GRID2: variants seen among roughly 807,000 people sequenced by gnomAD.
GRID2 encodes glutamate receptor ionotropic, delta-2.
GRID2 carries 33 observed loss-of-function variants against 114.8 expected under a neutral mutation model. The ratio of observed to expected loss-of-function variants is 0.29; its 90% CI spans 0.22 to 0.38. The LOEUF is 0.38. Among genes scored for constraint, GRID2 ranks in the 10% least tolerant of loss-of-function variants. The probability of loss-of-function intolerance (pLI) is 1.00; values close to 1 mark genes in which losing one functional copy is unlikely to be tolerated. For missense variants in GRID2, 1,184 were observed against 1,257.7 expected (o/e 0.94, Z 0.89); for synonymous variants, 505 against 449.9 (o/e 1.12, Z -1.55).
intron 4 of GRID2, among the ~76,000 whole-genome samples, chr4:93,191,861 A>G (rs1170826554): frequency 6.6e-6 from 1 of 152,194 alleles, no homozygotes; most frequent in East Asian, 1.9e-4. Flanking sequence ...ACATTTCAAG[A>G]AAATTTTATC....
At chr4:93,616,669 C>T (rs1480349683) in intron 13 of GRID2, among the ~76,000 whole-genome samples, 2 of 150,096 alleles carry the variant, frequency 1.3e-5, no homozygotes, top group South Asian at 4.2e-4. Context: ...TAAATTTACA[C>T]TTGCAATGTC....
intron 11 of GRID2, among the ~76,000 whole-genome samples, chr4:93,480,835 C>A (rs72668769): frequency 0.014 from 2,100 of 152,082 alleles, 20 homozygotes; most frequent in Non-Finnish European, 0.023. Context: ...TAGGGATTGG[C>A]CTTCTCATGT....
chr4:93,163,412 T>C (rs113953601), intron 4 of GRID2, among the ~76,000 whole-genome samples: 1 of 134,164 alleles, frequency 7.5e-6, no homozygotes, highest in African/African-American at 3.0e-5. Context: ...ACTATATATA[T>C]ACATACATGT....
chr4:93,348,271 CAT>C (rs1266265536), intron 8 of GRID2, among the ~76,000 whole-genome samples: 11 of 152,234 alleles, frequency 7.2e-5, no homozygotes, highest in South Asian at 2.1e-4. Flanking sequence ...ACTTCATACA[CAT>C]GTTATTGAAG....
At chr4:93,462,095 A>G (rs970162595) in intron 11 of GRID2, among the ~76,000 whole-genome samples, 2 of 152,196 alleles carry the variant, frequency 1.3e-5, no homozygotes, top group Admixed American at 6.5e-5. Flanking sequence ...TTTATTTAGC[A>G]GCAAGCATTT....
Position 93,773,163 on chromosome 4 carries a change from G to C in GRID2, c.*665G>C, listed in dbSNP as rs1474578116. 2 of 152,032 alleles carry C rather than the reference G, an allele frequency of 1.3e-5. No homozygotes were observed. The highest frequency in any genetic ancestry group is 4.8e-5 in the African/African-American group (2 of 41,384). 9.4% of individuals were successfully genotyped at this position (152,032 alleles called of 1,614,324 possible). ...TACAGTATTAAAAGTTTTTTCTTAT[G>C]TACAGTAAACTTTATCATATGGCAG... On this transcript the variant is annotated 3_prime_UTR_variant, in exon 16 of 16. Transcript: ENST00000282020.
chr4:93,320,327 C>A (rs1757084483), intron 8 of GRID2, among the ~76,000 whole-genome samples: 1 of 151,968 alleles, frequency 6.6e-6, no homozygotes, highest in African/African-American at 2.4e-5. Context: ...AAGATAAGGT[C>A]AAAGAGCTGA....
intron 2 of GRID2, among the ~76,000 whole-genome samples, chr4:92,778,086 A>G (rs1472241951): frequency 1.3e-5 from 2 of 152,130 alleles, no homozygotes; most frequent in Non-Finnish European, 2.9e-5. Context: ...CCTACAAAGC[A>G]GAGGACTGCC....
At position 92,945,396 on chromosome 4, in the gene GRID2, A is replaced by C. The variant is rs575978642; in HGVS notation, c.245-139599A>C. 5.2e-4 allele frequency among the ~76,000 whole-genome samples: 79 copies of C among 152,012 alleles called. 1 individual carries two copies. The highest frequency in any genetic ancestry group is 1.1e-3 in the Non-Finnish European group (74 of 67,936). Reference sequence around the variant, plus strand: ...TGTAAATAAGCTGTTTTTTTTTCCCAATGGGAGAAACTTAGGATCAACTCA... The same window carrying C: ...TGTAAATAAGCTGTTTTTTTTTCCCCATGGGAGAAACTTAGGATCAACTCA... On this transcript the variant is annotated intron_variant, in intron 2 of 15. Coordinates refer to ENST00000282020, the MANE Select transcript of GRID2 (RefSeq NM_001510.4).
At chr4:92,884,955 TA>T in intron 2 of GRID2, 1 of 321,622 alleles carries the variant, frequency 3.1e-6, no homozygotes, top group Non-Finnish European at 6.4e-6. Flanking sequence ...AAATCGCATC[TA>T]AAAGGCAAAG....
chr4:92,437,484 G>T (rs577088040), intron 1 of GRID2, among the ~76,000 whole-genome samples: 1 of 152,144 alleles, frequency 6.6e-6, no homozygotes, highest in Non-Finnish European at 1.5e-5. Context: ...CCCCAGGCTG[G>T]TCTCAAACTC....
At chr4:93,316,328 GAAAGAAAGAAA>G (rs879892235) in intron 8 of GRID2, among the ~76,000 whole-genome samples, 1,401 of 50,034 alleles carry the variant, frequency 0.028, 19 homozygotes, top group Non-Finnish European at 0.039. Flanking sequence ...AAGAAAGAAA[GAAAGAAAGAAA>G]GAAGGAAGGA....
intron 14 of GRID2, among the ~76,000 whole-genome samples, chr4:93,761,857 G>A (rs1220478393): frequency 2.0e-5 from 3 of 152,110 alleles, no homozygotes; most frequent in East Asian, 1.9e-4. Context: ...AAAAATAATC[G>A]ATTGATGATT....
intron 1 of GRID2, among the ~76,000 whole-genome samples, chr4:92,563,661 C>T (rs1727206579): frequency 6.6e-6 from 1 of 151,990 alleles, no homozygotes; most frequent in South Asian, 2.1e-4. Flanking sequence ...ACCAGATTTT[C>T]AGCATATGAC....
intron 2 of GRID2, among the ~76,000 whole-genome samples, chr4:92,790,666 A>T (rs1321401746): frequency 6.7e-6 from 1 of 149,720 alleles, no homozygotes; most frequent in Non-Finnish European, 1.5e-5. Context: ...GATTCTCCCA[A>T]CTCAGCCTCT....
intron 14 of GRID2, among the ~76,000 whole-genome samples, chr4:93,725,340 T>A (rs1319649445): frequency 6.6e-6 from 1 of 152,226 alleles, no homozygotes; most frequent in Non-Finnish European, 1.5e-5. Context: ...TGCATAGTAT[T>A]CCATGGTGTA....
chr4:93,582,672 G>C (rs943185264), intron 13 of GRID2, among the ~76,000 whole-genome samples: 1 of 151,854 alleles, frequency 6.6e-6, no homozygotes, highest in Non-Finnish European at 1.5e-5. Context: ...TCATATTCCA[G>C]TTTAATAATG....
chr4:92,824,810 G>A (rs1201297534), intron 2 of GRID2, among the ~76,000 whole-genome samples: 1 of 152,060 alleles, frequency 6.6e-6, no homozygotes, highest in Non-Finnish European at 1.5e-5. Flanking sequence ...TTTACCTTTA[G>A]ATATTGTTTT....
intron 1 of GRID2, among the ~76,000 whole-genome samples, chr4:92,412,277 A>G (rs1731376689): frequency 6.6e-6 from 1 of 152,164 alleles, no homozygotes; most frequent in Admixed American, 6.5e-5. Context: ...ATTGGAAACC[A>G]AGCTATGTGC....
Sources: allele counts gnomAD v4.1 joint callset (sites outside exome capture counted in the v4.1 genomes callset), GRCh38; gene constraint gnomAD v4.1.1; transcripts MANE v1.5; gene names NCBI Gene and HGNC (gene_info 2026-07-23, HGNC 2026-07-21).